The following VTI1A variants were observed in gnomAD, a reference collection of about 807,000 sequenced individuals.
VTI1A encodes vesicle transport through interaction with t-SNAREs 1A.
A neutral mutation model predicts 34.9 loss-of-function variants in VTI1A; 22 were observed. The observed-to-expected ratio is 0.63, with a 90% confidence interval of 0.45 to 0.90. VTI1A has a LOEUF of 0.90. Among genes scored for constraint, VTI1A ranks in the 40% least tolerant of loss-of-function variants. The pLI is 0.00. For missense variants in VTI1A, 268 were observed against 275.6 expected (o/e 0.97, Z 0.20); for synonymous variants, 87 against 97.3 (o/e 0.89, Z 0.62).
At chr10:112,678,353 C>T (rs1253448774) in intron 7 of VTI1A, among the ~76,000 whole-genome samples, 1 of 152,164 alleles carries the variant, frequency 6.6e-6, no homozygotes, top group Non-Finnish European at 1.5e-5. Flanking sequence ...GAGCCCTAGG[C>T]CTTCCTTATA....
intron 7 of VTI1A, among the ~76,000 whole-genome samples, chr10:112,811,328 G>T (rs970931161): frequency 6.6e-6 from 1 of 152,190 alleles, no homozygotes; most frequent in Non-Finnish European, 1.5e-5. Context: ...GATGCCTCCA[G>T]CTGGCAGTGA....
chr10:112,629,204 T>C (rs1389507616), intron 5 of VTI1A, among the ~76,000 whole-genome samples: 1 of 152,276 alleles, frequency 6.6e-6, no homozygotes, highest in Non-Finnish European at 1.5e-5. Context: ...AGGCAGAGCC[T>C]GCCTCAGGAT....
intron 7 of VTI1A, among the ~76,000 whole-genome samples, chr10:112,755,720 G>A (rs1233745419): frequency 1.3e-5 from 2 of 152,130 alleles, no homozygotes; most frequent in Non-Finnish European, 2.9e-5. Context: ...ATAGGCAAAC[G>A]CTTTTAAACA....
intron 3 of VTI1A, among the ~76,000 whole-genome samples, chr10:112,498,366 G>C (rs944746533): frequency 2.6e-5 from 4 of 152,060 alleles, no homozygotes; most frequent in African/African-American, 9.7e-5. Context: ...CAGCATTAAA[G>C]TTGGTTTATT....
chr10:112,766,927 C>T (rs1055060894), intron 7 of VTI1A, among the ~76,000 whole-genome samples: 4 of 152,148 alleles, frequency 2.6e-5, no homozygotes, highest in Non-Finnish European at 4.4e-5. Context: ...AAATAAGATC[C>T]GTGCCAATTG....
intron 5 of VTI1A, among the ~76,000 whole-genome samples, chr10:112,626,075 T>C (rs1023409474): frequency 1.3e-5 from 2 of 152,206 alleles, no homozygotes; most frequent in African/African-American, 4.8e-5. Flanking sequence ...TGCATCCTTT[T>C]TTTTTGTAAT....
At chr10:112,622,026 T>C (rs1845756142) in intron 5 of VTI1A, among the ~76,000 whole-genome samples, 1 of 151,050 alleles carries the variant, frequency 6.6e-6, no homozygotes, top group Admixed American at 6.6e-5. Flanking sequence ...AGAGAGAGAG[T>C]TGGGGTGCTT....
chr10:112,785,035 T>C (rs1852244234), intron 7 of VTI1A, among the ~76,000 whole-genome samples: 1 of 152,212 alleles, frequency 6.6e-6, no homozygotes, highest in African/African-American at 2.4e-5. Context: ...TTGGCCCCCG[T>C]TGGCTGTGGA....
At chr10:112,755,256 AAAAAAAAG>A (rs1302360879) in intron 7 of VTI1A, among the ~76,000 whole-genome samples, 1 of 139,772 alleles carries the variant, frequency 7.2e-6, no homozygotes, top group South Asian at 2.3e-4. Context: ...ACTGTCTCAA[AAAAAAAAG>A]AAAGAAAGAA....
rs983878609 is a variant in VTI1A, at chr10:112,817,800, A to T, written c.*2417A>T. The stretch of plus-strand genomic sequence containing the variant: ...CTAGGTACTTAGTGTGTAGACTTTG[A>T]CGAATATTTCTCAAGTTGGGAGCCC... On this transcript the variant is annotated 3_prime_UTR_variant, in exon 8 of 8. Coordinates refer to ENST00000393077, the MANE Select transcript of VTI1A (RefSeq NM_145206.4). 21 of 232,160 alleles carry T rather than the reference A, an allele frequency of 9.0e-5. 1 individual carries two copies. Among genetic ancestry groups the T allele is most frequent in the African/African-American group, 3.3e-4 (15 of 45,382 alleles). 14.4% of individuals were successfully genotyped at this position (232,160 alleles called of 1,614,324 possible).
intron 3 of VTI1A, among the ~76,000 whole-genome samples, chr10:112,477,021 A>C (rs1178611355): frequency 1.3e-5 from 2 of 152,202 alleles, no homozygotes; most frequent in Non-Finnish European, 2.9e-5. Flanking sequence ...TGCTATGTCA[A>C]CTATTTTAAG....
In VTI1A at chr10:112,465,946, GAAGTT is replaced by G. The variant is rs1182640700; in HGVS notation, c.264+1292_264+1296del. 6.6e-5 allele frequency among the ~76,000 whole-genome samples: 10 copies of G among 152,094 alleles called. No homozygotes were observed. In the East Asian group the frequency reaches 1.9e-3, roughly 29 times the overall value. On this transcript the variant is annotated intron_variant, in intron 3 of 7. Transcript: ENST00000393077. ...ACCCTGCTAATGATAAAAGAACAAA[GAAGTT>G]AACACAATAACAACTAACTGTTCTT...
intron 7 of VTI1A, among the ~76,000 whole-genome samples, chr10:112,770,052 G>A (rs933395524): frequency 4.6e-5 from 7 of 151,176 alleles, no homozygotes; most frequent in African/African-American, 4.8e-5. Flanking sequence ...TGTTGGCAAC[G>A]ATTTTTTTTT....
chr10:112,502,222 G>A (rs1054307168), intron 3 of VTI1A, among the ~76,000 whole-genome samples: 5 of 151,436 alleles, frequency 3.3e-5, no homozygotes, highest in African/African-American at 9.7e-5. Flanking sequence ...TTGTAGAGAC[G>A]GGGTTTTACC....
At chr10:112,565,809 G>A (rs543436738) in intron 5 of VTI1A, among the ~76,000 whole-genome samples, 19 of 152,062 alleles carry the variant, frequency 1.2e-4, no homozygotes, top group Non-Finnish European at 2.5e-4. Context: ...TTTGATATAC[G>A]TCACTTTTTA....
chr10:112,744,838 C>G (rs7090171), intron 7 of VTI1A, among the ~76,000 whole-genome samples: 1 of 152,046 alleles, frequency 6.6e-6, no homozygotes, highest in African/African-American at 2.4e-5. Flanking sequence ...GCAGATCCAG[C>G]ACGTTCAGCA....
chr10:112,722,956 G>T (rs1430099766), intron 7 of VTI1A, among the ~76,000 whole-genome samples: 1 of 152,142 alleles, frequency 6.6e-6, no homozygotes, highest in East Asian at 1.9e-4. Context: ...ACAATAAGGG[G>T]CAGTGTCTTA....
intron 7 of VTI1A, among the ~76,000 whole-genome samples, chr10:112,670,775 A>G (rs1038690137): frequency 5.3e-5 from 8 of 152,168 alleles, no homozygotes; most frequent in African/African-American, 1.9e-4. Context: ...AACTCAGTCA[A>G]TCACTGACTC....
chr10:112,459,084 G>A (rs1037555346), intron 1 of VTI1A, among the ~76,000 whole-genome samples: 2 of 152,168 alleles, frequency 1.3e-5, no homozygotes, highest in African/African-American at 4.8e-5. Flanking sequence ...AGTCTGTTGT[G>A]TTAGTCAGTC....
Sources: gnomAD v4.1 joint callset for allele counts (sites outside exome capture counted in the v4.1 genomes callset) on GRCh38, gnomAD v4.1.1 for gene constraint, MANE v1.5 for transcripts, NCBI Gene and HGNC (gene_info 2026-07-23, HGNC 2026-07-21) for gene names.